Variants in PDE4D observed in about 807,000 individuals in gnomAD.
PDE4D encodes 3',5'-cyclic-AMP phosphodiesterase 4D.
PDE4D carries 24 observed loss-of-function variants against 87.4 expected under a neutral mutation model. The ratio of observed to expected loss-of-function variants is 0.27; its 90% CI spans 0.20 to 0.39. PDE4D has a LOEUF of 0.39. Ranked by LOEUF, PDE4D falls within the 10% of genes least tolerant of loss-of-function variation. PDE4D has a pLI of 1.00. For synonymous variants in PDE4D, 384 were observed against 383.2 expected (o/e 1.00, Z -0.02); for missense variants, 714 against 1,041.0 (o/e 0.69, Z 4.32).
chr5:59,545,739 C>A (rs1361940768), intron 1 of PDE4D, among the ~76,000 whole-genome samples: 2 of 152,042 alleles, frequency 1.3e-5, no homozygotes, highest in Non-Finnish European at 2.9e-5. Flanking sequence ...TTCTAGTTTG[C>A]CCCTACTGTA....
intron 2 of PDE4D, among the ~76,000 whole-genome samples, chr5:60,106,699 G>A (rs1776972234): frequency 6.6e-6 from 1 of 152,168 alleles, no homozygotes. Context: ...TCAGGATTAA[G>A]AAACTCATTC....
At chr5:60,184,146 C>T (rs940229070) in intron 2 of PDE4D, among the ~76,000 whole-genome samples, 12 of 152,060 alleles carry the variant, frequency 7.9e-5, no homozygotes, top group Non-Finnish European at 1.2e-4. Context: ...TTAAAGTCAC[C>T]GCTCAGTTAA....
At chr5:60,393,367 C>A (rs899821825) in intron 1 of PDE4D, among the ~76,000 whole-genome samples, 3 of 152,122 alleles carry the variant, frequency 2.0e-5, no homozygotes, top group Non-Finnish European at 4.4e-5. Flanking sequence ...GTGTCCAATA[C>A]TTGAGGTGTG....
intron 1 of PDE4D, among the ~76,000 whole-genome samples, chr5:59,413,709 G>A (rs1793114119): frequency 6.6e-6 from 1 of 152,142 alleles, no homozygotes; most frequent in African/African-American, 2.4e-5. Flanking sequence ...TGGAAAAGAT[G>A]TGTAAACACT....
intron 1 of PDE4D, among the ~76,000 whole-genome samples, chr5:59,495,880 C>T (rs1013817369): frequency 1.3e-5 from 2 of 152,094 alleles, no homozygotes; most frequent in African/African-American, 4.8e-5. Flanking sequence ...GTTTACAGCT[C>T]CCAAAGCCCC....
chr5:59,605,470 C>T (rs935741837), intron 1 of PDE4D, among the ~76,000 whole-genome samples: 2 of 152,028 alleles, frequency 1.3e-5, no homozygotes, highest in African/African-American at 4.8e-5. Flanking sequence ...TTCTCCAACC[C>T]TGCCTCCCAT....
intron 5 of PDE4D, among the ~76,000 whole-genome samples, chr5:59,041,914 G>A (rs1759751518): frequency 6.6e-6 from 1 of 152,218 alleles, no homozygotes; most frequent in Non-Finnish European, 1.5e-5. Flanking sequence ...TTGTTCTTAA[G>A]AAGGTAGTAT....
intron 1 of PDE4D, among the ~76,000 whole-genome samples, chr5:59,256,844 C>A (rs905752013): frequency 6.6e-6 from 1 of 151,924 alleles, no homozygotes; most frequent in Non-Finnish European, 1.5e-5. Flanking sequence ...TACTAAAAAT[C>A]AATACATTAT....
chr5:59,503,025 G>T (rs1174035160), intron 1 of PDE4D, among the ~76,000 whole-genome samples: 3 of 151,260 alleles, frequency 2.0e-5, no homozygotes, highest in Admixed American at 1.3e-4. Context: ...TAATCTAGAA[G>T]AATCTAAAGA....
intron 5 of PDE4D, among the ~76,000 whole-genome samples, chr5:59,080,140 G>A (rs764249762): frequency 2.6e-5 from 4 of 152,136 alleles, no homozygotes; most frequent in Non-Finnish European, 5.9e-5. Context: ...TCAAGCTACT[G>A]ACCTAATTGC....
intron 1 of PDE4D, among the ~76,000 whole-genome samples, chr5:59,244,689 TGTG>T (rs1354448986): frequency 2.1e-5 from 3 of 141,118 alleles, no homozygotes; most frequent in Non-Finnish European, 4.6e-5. Context: ...TCTGTGTGTG[TGTG>T]TGTGTGTGTG....
At position 58,989,595 on chromosome 5, in the gene PDE4D, CTTGA is replaced by C. The variant is rs80307266; in HGVS notation, c.1452+156_1452+159del. Among the ~76,000 whole-genome samples, 11,179 of 152,160 alleles carry C rather than the reference CTTGA, an allele frequency of 0.073. 588 individuals are homozygous for C. Among genetic ancestry groups the C allele is most frequent in the Admixed American group, 0.14 (2,142 of 15,272 alleles). ...TTTCATAAGCAAAATCCATCAAAGA[CTTGA>C]TTGTCTATTAACTATAGCATTTTCC... On this transcript the variant is annotated intron_variant, in intron 10 of 14. Coordinates refer to ENST00000340635, the MANE Select transcript of PDE4D (RefSeq NM_001104631.2).
intron 5 of PDE4D, among the ~76,000 whole-genome samples, chr5:59,049,240 A>G (rs1054744628): frequency 6.6e-6 from 1 of 152,182 alleles, no homozygotes; most frequent in Non-Finnish European, 1.5e-5. Flanking sequence ...CCTGACATTT[A>G]CAGGCACTCA....
At chr5:60,467,358 A>G (rs529664785) in intron 1 of PDE4D, among the ~76,000 whole-genome samples, 5 of 152,252 alleles carry the variant, frequency 3.3e-5, no homozygotes, top group Admixed American at 6.5e-5. Context: ...AAATATTTTA[A>G]AGTTAAAACT....
intron 2 of PDE4D, among the ~76,000 whole-genome samples, chr5:59,203,901 G>A (rs1305128498): frequency 2.6e-5 from 4 of 152,094 alleles, no homozygotes; most frequent in South Asian, 2.1e-4. Flanking sequence ...AGGGTACAAA[G>A]TTTCAGTTAG....
chr5:59,826,625 T>A (rs1770360280), intron 1 of PDE4D, among the ~76,000 whole-genome samples: 1 of 152,106 alleles, frequency 6.6e-6, no homozygotes, highest in Non-Finnish European at 1.5e-5. Flanking sequence ...CTATTTCAAT[T>A]TTTGCAATTT....
intron 5 of PDE4D, chr5:59,039,923 G>C (rs1038852069): frequency 6.6e-6 from 1 of 152,374 alleles, no homozygotes; most frequent in Non-Finnish European, 1.5e-5. Context: ...GGGCTCAGGA[G>C]GGACCGGCAC....
At chr5:59,383,528 C>T (rs1229837023) in intron 1 of PDE4D, among the ~76,000 whole-genome samples, 1 of 152,124 alleles carries the variant, frequency 6.6e-6, no homozygotes, top group Admixed American at 6.6e-5. Flanking sequence ...TTCTAAGACG[C>T]TACACAATGT....
chr5:59,169,323 T>A (rs2153471718), intron 5 of PDE4D, among the ~76,000 whole-genome samples: 1 of 149,606 alleles, frequency 6.7e-6, no homozygotes, highest in East Asian at 2.2e-4. Flanking sequence ...TTCTTTTATT[T>A]TTTTTTTTTC....
Sources: allele counts gnomAD v4.1 joint callset (sites outside exome capture counted in the v4.1 genomes callset), GRCh38; gene constraint gnomAD v4.1.1; transcripts MANE v1.5; gene names NCBI Gene and HGNC (gene_info 2026-07-23, HGNC 2026-07-21).